The following CFL1 variants were observed in gnomAD, a reference collection of about 807,000 sequenced individuals.
The protein encoded by CFL1 is cofilin-1.
A neutral mutation model predicts 16.3 loss-of-function variants in CFL1; 2 were observed. The ratio of observed to expected loss-of-function variants is 0.12; its 90% CI spans 0.05 to 0.39. The LOEUF is 0.39. CFL1 is among the 10% of genes least tolerant of loss of function. The probability of loss-of-function intolerance (pLI) is 0.99; values close to 1 mark genes in which losing one functional copy is unlikely to be tolerated. For missense variants in CFL1, 75 were observed against 212.2 expected (o/e 0.35, Z 4.02); for synonymous variants, 111 against 84.4 (o/e 1.31, Z -1.73).
chr11:65,857,999 C>T, intron 1 of CFL1, 98 bp downstream of exon 1: 1 of 1,322,042 alleles, frequency 7.6e-7, no homozygotes, highest in South Asian at 1.4e-5. Flanking sequence ...GCCCGGGGCG[C>T]TGGGGGAGGG....
chr11:65,855,529 A>G (rs1859369988), intron 3 of CFL1, 81 bp from the exon 4 acceptor site: 3 of 1,563,002 alleles, frequency 1.9e-6, no homozygotes, highest in Admixed American at 3.4e-5. Flanking sequence ...GGAGCCAATC[A>G]AAGCAGATGG....
rs752196672 is a variant in CFL1 at position 65,855,178 on chromosome 11, G to T, written c.*158C>A. 33 of 610,140 alleles carry T rather than the reference G, an allele frequency of 5.4e-5. No homozygotes were observed. Among genetic ancestry groups the T allele is most frequent in the Non-Finnish European group, 9.1e-5 (31 of 341,170 alleles). The allele number at this position is 610,140 out of a possible 1,614,324, so 37.8% of individuals were successfully genotyped here. ...GGGATGGAGGGAGAAGGAAAATCCA[G>T]GGGGTGGGGGGTCTGTTTGGCAACT... On this transcript the variant is annotated 3_prime_UTR_variant, in exon 4 of 4. Transcript: ENST00000308162.
chr11:65,856,643 A>C, intron 1 of CFL1: 1 of 223,270 alleles, frequency 4.5e-6, no homozygotes, highest in Non-Finnish European at 9.2e-6. Context: ...CTGAGCCAAG[A>C]CTCCTCTTCA....
intron 3 of CFL1, 64 bp from the exon 4 acceptor site, chr11:65,855,512 C>T: frequency 6.3e-7 from 1 of 1,579,920 alleles, no homozygotes; most frequent in Non-Finnish European, 8.7e-7. Flanking sequence ...GTTTCTGTGG[C>T]TGGGAAGGAG....
chr11:65,856,502 C>T, intron 1 of CFL1: 1 of 449,010 alleles, frequency 2.2e-6, no homozygotes, highest in South Asian at 2.6e-5. Context: ...AAAAGCAGAA[C>T]CTTGACCAAA....
chr11:65,855,879 G>A, intron 2 of CFL1, 56 bp downstream of exon 2: 2 of 1,571,976 alleles, frequency 1.3e-6, no homozygotes, highest in South Asian at 1.2e-5. Flanking sequence ...AGCCACAGAA[G>A]TTCCCATCAT....
Position 65,855,723 on chromosome 11 carries a change from CG to C in CFL1, c.318del (p.Glu107SerfsTer9). On this transcript the variant is annotated frameshift_variant, in exon 3 of 4. Transcript: ENST00000308162. LOFTEE classifies it high-confidence loss of function. ...ATTTTGCTCTTAAGGGGCGCAGACT[CG>C]GGGGCCCTGGACAGAAACACGCGTC... ...KEDLVFIFWA[P>X]ESAPLKSKMI... 5 of 1,549,346 alleles carry C rather than the reference CG, an allele frequency of 3.2e-6. No individual in the cohort carries two copies. The highest frequency in any genetic ancestry group is 4.3e-6 in the Non-Finnish European group (5 of 1,150,728).
chr11:65,855,058 C>T lies in CFL1; in HGVS notation c.*278G>A. The stretch of plus-strand genomic sequence containing the variant: ...GATGTTGTTAAAAAAAATACAGGCT[C>T]CCCCACAACTGGGGTGCCTGGGGGG... On this transcript the variant is annotated 3_prime_UTR_variant, in exon 4 of 4. Transcript: ENST00000308162. 2.5e-6 allele frequency: 1 copy of T among 407,776 alleles called. No individual in the cohort carries two copies. The allele number at this position is 407,776 out of a possible 1,614,324, so 25.3% of individuals were successfully genotyped here.
chr11:65,856,348 C>G (rs930201479), intron 1 of CFL1, 106 bp from the exon 2 acceptor site: 9 of 1,103,762 alleles, frequency 8.2e-6, no homozygotes, highest in Non-Finnish European at 1.2e-5. Context: ...AGTGCCCTTC[C>G]CAAGGCAAGT....
intron 1 of CFL1, chr11:65,857,692 G>A (rs536134910): frequency 1.3e-3 from 213 of 165,954 alleles, no homozygotes; most frequent in Non-Finnish European, 2.2e-3. Flanking sequence ...CGCGCGCGCC[G>A]AGACCTCTCG....
chr11:65,857,565 C>T (rs1859410583), intron 1 of CFL1: 10 of 230,234 alleles, frequency 4.3e-5, no homozygotes, highest in South Asian at 2.8e-4. Flanking sequence ...CCAGCATCAC[C>T]CCTCGCCGCG....
chr11:65,854,803 A>C lies in CFL1; in HGVS notation c.*533T>G, dbSNP rs1353659050. 2.0e-5 allele frequency: 3 copies of C among 153,600 alleles called. No individual in the cohort carries two copies. Among genetic ancestry groups the C allele is most frequent in the African/African-American group, 4.9e-5 (2 of 41,130 alleles). 9.5% of individuals were successfully genotyped at this position (153,600 alleles called of 1,614,324 possible). The stretch of plus-strand genomic sequence containing the variant: ...CCAACCTTGAAAAACACATCCCATT[A>C]ATGAGCCTTTTTATTATTGTCTTTT... On this transcript the variant is annotated 3_prime_UTR_variant, in exon 4 of 4. Coordinates refer to ENST00000308162, the MANE Select transcript of CFL1 (RefSeq NM_005507.3).
chr11:65,857,851 CCGCGCGGG>C (rs1048113135), intron 1 of CFL1: 12 of 297,570 alleles, frequency 4.0e-5, no homozygotes, highest in Middle Eastern at 1.8e-3. Flanking sequence ...CGGCCGGTGT[CCGCGCGGG>C]CGCACCAGCG....
chr11:65,857,865 C>T, intron 1 of CFL1: 1 of 320,746 alleles, frequency 3.1e-6, no homozygotes. Flanking sequence ...GCGGGCGCAC[C>T]AGCGGGTGGG....
In CFL1 at chr11:65,856,171, C is replaced by G; in HGVS notation, c.75G>C (p.Thr25=). ...TCTTGCGCTTCTTCACCTCCTCTGG[C>G]GTTGAAGACTTACGCACCTTCATGT... ...FNDMKVRKSS[T]PEEVKKRKKA... Residue 25 remains threonine, a synonymous_variant, in exon 2 of 4, where the codon ACG becomes ACC. Coordinates refer to ENST00000308162, the MANE Select transcript of CFL1 (RefSeq NM_005507.3). 1 of 1,614,168 alleles carries G rather than the reference C, an allele frequency of 6.2e-7. No homozygotes were observed. The highest frequency in any genetic ancestry group is 8.5e-7 in the Non-Finnish European group (1 of 1,180,024).
intron 1 of CFL1, chr11:65,857,405 C>T (rs1188578023): frequency 4.6e-6 from 2 of 433,170 alleles, no homozygotes; most frequent in Admixed American, 4.8e-5. Flanking sequence ...ACAGACAGCG[C>T]CGTTCCAGCC....
At position 65,856,276 on chromosome 11, in the gene CFL1, G is replaced by A. The variant is rs765189573; in HGVS notation, c.4-34C>T. The stretch of plus-strand genomic sequence containing the variant: ...CATGCCACGTATACGTCAAGAAAAG[G>A]ATTCTAGGGAACTGCCCCTTGTTTT... On this transcript the variant is annotated intron_variant, in intron 1 of 3. Coordinates refer to ENST00000308162, the MANE Select transcript of CFL1 (RefSeq NM_005507.3). 5 of 1,591,450 alleles carry A rather than the reference G, an allele frequency of 3.1e-6. No individual in the cohort carries two copies. In the South Asian group the frequency reaches 4.5e-5, roughly 14 times the overall value.
chr11:65,855,471 T>C, intron 3 of CFL1, 23 bp from the exon 4 acceptor site: 1 of 1,609,964 alleles, frequency 6.2e-7, no homozygotes, highest in Non-Finnish European at 8.5e-7. Context: ...AAGGGGAGCA[T>C]CTGTGAGCAG....
At chr11:65,855,837 C>A in intron 2 of CFL1, 98 bp downstream of exon 2, 3 of 1,502,782 alleles carry the variant, frequency 2.0e-6, no homozygotes, top group South Asian at 1.3e-5. Context: ...AACCCCCTCC[C>A]CCTCCAAACC....
Sources: gnomAD v4.1 joint callset for allele counts on GRCh38, gnomAD v4.1.1 for gene constraint, MANE v1.5 for transcripts, NCBI Gene and HGNC (gene_info 2026-07-23, HGNC 2026-07-21) for gene names.